The following SPICE1 variants were observed in gnomAD, a reference collection of about 807,000 sequenced individuals.
The protein encoded by SPICE1 is spindle and centriole associated protein 1.
In SPICE1, 75 loss-of-function variants were observed where a neutral mutation model predicts 102.7. That is an observed-to-expected ratio of 0.73 (90% CI 0.61 to 0.88). The LOEUF (loss-of-function observed/expected upper bound fraction) is 0.88. Among genes scored for constraint, SPICE1 ranks in the 40% least tolerant of loss-of-function variants. The probability of loss-of-function intolerance (pLI) is 0.00; values close to 1 mark genes in which losing one functional copy is unlikely to be tolerated. For missense variants in SPICE1, 979 were observed against 1,020.1 expected, an observed-to-expected ratio of 0.96 and a Z score of 0.55; for synonymous variants, 308 against 350.3, an observed-to-expected ratio of 0.88 and a Z score of 1.35.
At chr3:113,457,476 C>T (rs1935805183) in intron 12 of SPICE1, 119 bp from the exon 13 acceptor site, 2 of 937,858 alleles carry the variant, frequency 2.1e-6, no homozygotes, top group Non-Finnish European at 3.2e-6. Context: ...ATCAACATAG[C>T]TCCTGGAGCC....
chr3:113,489,858 A>T (rs1936728785), intron 6 of SPICE1, among the ~76,000 whole-genome samples: 1 of 151,468 alleles, frequency 6.6e-6, no homozygotes, highest in Non-Finnish European at 1.5e-5. Flanking sequence ...AAAAAAAAAA[A>T]AAAAAAAAAA....
At chr3:113,503,026 G>C (rs995389972) in intron 3 of SPICE1, among the ~76,000 whole-genome samples, 154 bp downstream of exon 3, 2 of 152,110 alleles carry the variant, frequency 1.3e-5, no homozygotes, top group African/African-American at 4.8e-5. Context: ...AGGAAGTCCA[G>C]AAGATAGGCG....
At chr3:113,463,160 T>C (rs549929395) in intron 11 of SPICE1, among the ~76,000 whole-genome samples, 1 of 152,362 alleles carries the variant, frequency 6.6e-6, no homozygotes, top group East Asian at 1.9e-4. Flanking sequence ...CCATCTCATT[T>C]GTAACTGCAT....
intron 7 of SPICE1, among the ~76,000 whole-genome samples, chr3:113,469,921 A>G (rs1242362646): frequency 6.6e-6 from 1 of 152,170 alleles, no homozygotes; most frequent in Non-Finnish European, 1.5e-5. Context: ...CAGAGCAGCC[A>G]GTCTCTGCTC....
chr3:113,498,171 C>A (rs111354831), intron 4 of SPICE1, among the ~76,000 whole-genome samples: 1,853 of 152,226 alleles, frequency 0.012, 30 homozygotes, highest in African/African-American at 0.042. Flanking sequence ...CTGCCACACC[C>A]AGCTGTTATA....
At chr3:113,513,839 A>G (rs967946639) in intron 1 of SPICE1, among the ~76,000 whole-genome samples, 1 of 152,196 alleles carries the variant, frequency 6.6e-6, no homozygotes, top group African/African-American at 2.4e-5. Flanking sequence ...TTGAAGCACC[A>G]TCTAAAAGCG....
intron 12 of SPICE1, among the ~76,000 whole-genome samples, chr3:113,458,507 C>T (rs935761586): frequency 6.6e-5 from 10 of 152,224 alleles, no homozygotes; most frequent in Non-Finnish European, 1.5e-4. Context: ...GTCTCGCTCA[C>T]TCAGTGCTCA....
chr3:113,445,310 T>C lies in SPICE1; in HGVS notation c.2565A>G (p.Ser855=). The change falls in exon 18 of 18, where the codon TCA becomes TCG. Residue 855 remains serine (S), a synonymous_variant. Transcript: ENST00000295872. The stretch of plus-strand genomic sequence containing the variant: ...ACTCAGTGAGACTTGACTTCACTTA[T>C]GATACATGGGTAGAAAGAGCAAACC... ...EGWFALSTHV[S] 6.2e-7 allele frequency: 1 copy of C among 1,612,396 alleles called. No homozygotes were observed. The highest frequency in any genetic ancestry group is 8.5e-7 in the Non-Finnish European group (1 of 1,179,048).
chr3:113,445,096 T>C lies in SPICE1; in HGVS notation c.*211A>G, dbSNP rs1576617972. 1 of 407,556 alleles carries C rather than the reference T, an allele frequency of 2.5e-6. No individual in the cohort carries two copies. The highest frequency in any genetic ancestry group is 3.7e-5 in the East Asian group (1 of 26,934). 25.2% of individuals were successfully genotyped at this position (407,556 alleles called of 1,614,324 possible). A position where few individuals can be genotyped will look rare whatever the true frequency, so the allele number is the denominator to read the frequency against. ...ACTTTAACTTCTCTACAGTCAAAGT[T>C]TCATTCACAGGGAGCTGTAGGTCAG... On this transcript the variant is annotated 3_prime_UTR_variant, in exon 18 of 18. Transcript: ENST00000295872.
At chr3:113,489,905 C>G (rs1023889831) in intron 6 of SPICE1, among the ~76,000 whole-genome samples, 1 of 147,624 alleles carries the variant, frequency 6.8e-6, no homozygotes, top group African/African-American at 2.5e-5. Context: ...TCCCATAATA[C>G]TGTATTTTCT....
intron 6 of SPICE1, among the ~76,000 whole-genome samples, chr3:113,490,250 C>T (rs1354041245): frequency 2.0e-5 from 3 of 152,190 alleles, no homozygotes; most frequent in Non-Finnish European, 4.4e-5. Context: ...AATTCCAAAG[C>T]TGTAATTACA....
At chr3:113,459,792 GA>G in intron 12 of SPICE1, 2 of 838,270 alleles carry the variant, frequency 2.4e-6, no homozygotes, top group Non-Finnish European at 2.9e-6. Context: ...TGAGGCAGGA[GA>G]ATCGCTTGAA....
intron 7 of SPICE1, among the ~76,000 whole-genome samples, chr3:113,488,022 G>C (rs1408434794): frequency 5.9e-5 from 9 of 151,838 alleles, no homozygotes; most frequent in Admixed American, 1.3e-4. Flanking sequence ...GAAGATTCCA[G>C]GTTTTTTTTA....
rs1300009659 is a variant in SPICE1, at chr3:113,468,819, T to G, written c.832A>C (p.Ser278Arg). The G allele has an allele frequency of 1.9e-6, 3 of 1,614,076 alleles. No homozygotes were observed. The Admixed American group carries it at 5.0e-5, about 27-fold the overall frequency. The change falls in exon 9 of 18, where the codon AGC becomes CGC. Residue 278 changes from serine (S) to arginine (R), a missense_variant. Transcript: ENST00000295872. ...TTCAGCACGTGTCCCACAACGTAGC[T>G]TGAGTCTAGAGTCTCAGTAGATTCT... ...PEESTETLDS[S>R]YVVGHVLNSR... is the part of the protein sequence containing the mutation.
chr3:113,513,040 C>T (rs1937250578), intron 1 of SPICE1, among the ~76,000 whole-genome samples: 1 of 152,166 alleles, frequency 6.6e-6, no homozygotes, highest in Admixed American at 6.5e-5. Flanking sequence ...TCACCAACTC[C>T]CTTGAGCAAA....
chr3:113,514,739 CCT>C lies in SPICE1; in HGVS notation c.-1+156_-1+157del. On this transcript the variant is annotated intron_variant, in intron 1 of 17. Coordinates refer to ENST00000295872, the MANE Select transcript of SPICE1 (RefSeq NM_144718.4). ...GTCCCAAAGCACCCTGGATAGTTTG[CCT>C]CTCTCCTGCTACACGGTGAACTCCC... 5 of 1,284,058 alleles carry C rather than the reference CCT, an allele frequency of 3.9e-6. No homozygotes were observed. The South Asian group carries it at 6.2e-5, about 16-fold the overall frequency. The allele number at this position is 1,284,058 out of a possible 1,614,324, so 79.5% of individuals were successfully genotyped here.
rs374997528 is a variant in SPICE1, at chr3:113,509,207, TATACTTTAAAGGGTGA to T, written c.1-2618_1-2603del. Among the ~76,000 whole-genome samples, 673 of 152,324 alleles carry T rather than the reference TATACTTTAAAGGGTGA, an allele frequency of 4.4e-3. 3 individuals carry two copies. The highest frequency in any genetic ancestry group is 0.015 in the African/African-American group (638 of 41,574). On this transcript the variant is annotated intron_variant, in intron 1 of 17. Coordinates refer to ENST00000295872, the MANE Select transcript of SPICE1 (RefSeq NM_144718.4). ...GAATTGACTAAAAACCTCTGAACTGTATACTTTAAAGGGTGAATTATAGCTCAATAAAGCTGTTATT... is the reference window on the plus strand; with the variant it reads ...GAATTGACTAAAAACCTCTGAACTGTATTATAGCTCAATAAAGCTGTTATT...
chr3:113,504,360 T>G (rs1221483368), intron 2 of SPICE1, among the ~76,000 whole-genome samples: 1 of 152,120 alleles, frequency 6.6e-6, no homozygotes, highest in Non-Finnish European at 1.5e-5. Context: ...AAGACTAAAC[T>G]TTTTGGCCAT....
intron 7 of SPICE1, among the ~76,000 whole-genome samples, chr3:113,473,448 A>T (rs1033047874): frequency 2.6e-5 from 4 of 152,120 alleles, no homozygotes; most frequent in Admixed American, 6.5e-5. Context: ...CCACAAAGAT[A>T]CTCCTCGAGA....
Sources: gnomAD v4.1 joint callset for allele counts (sites outside exome capture counted in the v4.1 genomes callset) on GRCh38, gnomAD v4.1.1 for gene constraint, MANE v1.5 for transcripts, NCBI Gene and HGNC (gene_info 2026-07-23, HGNC 2026-07-21) for gene names.